The following ORC4 variants were observed in gnomAD, a reference collection of about 807,000 sequenced individuals.
ORC4 encodes origin recognition complex subunit 4, also known as origin recognition complex, subunit 4 homolog.
ORC4 carries 55 observed loss-of-function variants against 63.9 expected under a neutral mutation model. The ratio of observed to expected loss-of-function variants is 0.86; its 90% CI spans 0.69 to 1.08. The LOEUF (loss-of-function observed/expected upper bound fraction) is 1.08, where lower values mean the gene tolerates loss of function less well. ORC4 is among the 50% of genes least tolerant of loss of function. ORC4 has a pLI of 0.00. For synonymous variants in ORC4, 150 were observed against 168.5 expected (o/e 0.89, Z 0.85); for missense variants, 511 against 504.4 (o/e 1.01, Z -0.13).
chr2:147,990,909 C>G (rs1182288915), intron 1 of ORC4, among the ~76,000 whole-genome samples: 1 of 152,144 alleles, frequency 6.6e-6, no homozygotes, highest in African/African-American at 2.4e-5. Flanking sequence ...TCCAGAAAAG[C>G]CATGTTCTCT....
chr2:147,992,260 CTT>C (rs939313714), intron 1 of ORC4, among the ~76,000 whole-genome samples: 1 of 151,906 alleles, frequency 6.6e-6, no homozygotes, highest in Admixed American at 6.6e-5. Context: ...TCAACGAAAA[CTT>C]TTTTTTGTTT....
chr2:147,936,954 G>GT (rs1688082823), intron 13 of ORC4: 2 of 146,248 alleles, frequency 1.4e-5, no homozygotes, highest in Admixed American at 1.4e-4. Flanking sequence ...GGAGGCAGAG[G>GT]TTGCAGTGAG....
chr2:147,972,870 T>A, intron 3 of ORC4, 41 bp from the exon 4 acceptor site: 3 of 1,244,900 alleles, frequency 2.4e-6, no homozygotes, highest in Non-Finnish European at 2.4e-6. Context: ...AAAATGAAGC[T>A]GGAATACTTT....
chr2:147,967,095 A>G (rs1394127406), intron 4 of ORC4, among the ~76,000 whole-genome samples: 1 of 152,142 alleles, frequency 6.6e-6, no homozygotes, highest in East Asian at 1.9e-4. Context: ...AAACTATATC[A>G]TCTCAATGGA....
chr2:147,999,376 T>C (rs1692168073), intron 1 of ORC4, among the ~76,000 whole-genome samples: 1 of 152,190 alleles, frequency 6.6e-6, no homozygotes, highest in African/African-American at 2.4e-5. Flanking sequence ...GCTCTCTTCT[T>C]TCACATAGTT....
At chr2:147,979,756 C>T (rs57679331) in intron 1 of ORC4, among the ~76,000 whole-genome samples, 46,984 of 151,856 alleles carry the variant, frequency 0.31, 7,608 homozygotes, top group East Asian at 0.51. Context: ...AATACAGAGT[C>T]GAGAAATAAA....
chr2:148,016,257 C>A (rs905410251), intron 1 of ORC4, among the ~76,000 whole-genome samples: 6 of 152,078 alleles, frequency 3.9e-5, no homozygotes, highest in Middle Eastern at 3.2e-3. Context: ...GGCTGGACCG[C>A]GAAGAAGCTC....
chr2:147,953,515 A>G (rs1331896010), intron 7 of ORC4, among the ~76,000 whole-genome samples: 1 of 152,230 alleles, frequency 6.6e-6, no homozygotes, highest in Non-Finnish European at 1.5e-5. Flanking sequence ...TCACTAATTA[A>G]TGAACAAAAC....
At position 147,935,663 on chromosome 2, in the gene ORC4, CTTTA is replaced by C; in HGVS notation, c.1154_1157del (p.Ile385SerfsTer16). 6.2e-7 allele frequency: 1 copy of C among 1,613,148 alleles called. No individual in the cohort carries two copies. Among genetic ancestry groups the C allele is most frequent in the Middle Eastern group, 1.8e-4 (1 of 5,612 alleles). On this transcript the variant is annotated frameshift_variant, in exon 14 of 14. Transcript: ENST00000392857. LOFTEE classifies it high-confidence loss of function. Reference sequence around the variant, plus strand: ...AATTTCCTGAAGTTCTTTCCATGGGCTTTATTAATTCTAATTGCTGCAAGTGTTC... The same window carrying C: ...AATTTCCTGAAGTTCTTTCCATGGGCTTAATTCTAATTGCTGCAAGTGTTC...
At position 147,973,481 on chromosome 2, in the gene ORC4, T is replaced by C. The variant is rs746268100; in HGVS notation, c.101A>G (p.His34Arg). The change falls in exon 3 of 14, where the codon CAT becomes CGT. Residue 34 changes from histidine to arginine, a missense_variant. Physicochemically the swap from His to Arg is conservative, Grantham distance 29. Coordinates refer to ENST00000392857, the MANE Select transcript of ORC4 (RefSeq NM_181741.4). Reference protein sequence around the residue: ...LRERFCRQSPHSNLFGVQVQY... With the variant: ...LRERFCRQSPRSNLFGVQVQY... ...TACTTGCACTCCAAATAGGTTACTA[T>C]GTGGACTCTGACGACAAAATCTTTC... The C allele has an allele frequency of 4.4e-6, 7 of 1,606,882 alleles. No individual in the cohort carries two copies. In the African/African-American group the frequency reaches 9.4e-5, roughly 21 times the overall value.
chr2:148,020,716 C>G lies in ORC4; in HGVS notation c.-101G>C, dbSNP rs979181961. 1 of 152,468 alleles carries G rather than the reference C, an allele frequency of 6.6e-6. No individual in the cohort carries two copies. The highest frequency in any genetic ancestry group is 6.5e-5 in the Admixed American group (1 of 15,276). The allele number at this position is 152,468 out of a possible 1,614,324, so 9.4% of individuals were successfully genotyped here. The stretch of plus-strand genomic sequence containing the variant: ...GTCCTCTGCTAGACTTCACCTGCCG[C>G]TGCGGACCGTACACAACCACTCCCG... On this transcript the variant is annotated 5_prime_UTR_variant, in exon 1 of 14. Coordinates refer to ENST00000392857, the MANE Select transcript of ORC4 (RefSeq NM_181741.4).
intron 4 of ORC4, among the ~76,000 whole-genome samples, chr2:147,971,137 TGTAA>T (rs1005184677): frequency 3.3e-5 from 5 of 152,008 alleles, no homozygotes; most frequent in Admixed American, 2.6e-4. Flanking sequence ...ACCCTATTCT[TGTAA>T]GTAAGTAAGT....
intron 1 of ORC4, among the ~76,000 whole-genome samples, chr2:148,002,515 G>A (rs907194881): frequency 6.6e-6 from 1 of 152,058 alleles, no homozygotes; most frequent in Non-Finnish European, 1.5e-5. Flanking sequence ...AATGAATACT[G>A]GGTAAATAAC....
At chr2:147,985,997 G>C (rs1179328589) in intron 1 of ORC4, among the ~76,000 whole-genome samples, 1 of 152,054 alleles carries the variant, frequency 6.6e-6, no homozygotes, top group African/African-American at 2.4e-5. Flanking sequence ...ACATAGCAGA[G>C]GAATACATTC....
chr2:148,001,386 GC>G (rs1692296124), intron 1 of ORC4, among the ~76,000 whole-genome samples: 1 of 152,086 alleles, frequency 6.6e-6, no homozygotes. Context: ...GAAATTTAAA[GC>G]CCATCAGACT....
intron 9 of ORC4, 149 bp from the exon 10 acceptor site, chr2:147,943,671 A>G: frequency 3.2e-6 from 2 of 625,396 alleles, no homozygotes; most frequent in Non-Finnish European, 5.6e-6. Context: ...TATTTGTAGA[A>G]CACTAAAACC....
intron 11 of ORC4, chr2:147,938,739 T>C (rs1379624556): frequency 3.0e-6 from 1 of 331,862 alleles, no homozygotes; most frequent in African/African-American, 2.1e-5. Flanking sequence ...TGCGTAGGAT[T>C]TATCTAGAGA....
At chr2:147,943,187 T>G (rs574579099) in intron 10 of ORC4, among the ~76,000 whole-genome samples, 3 of 152,218 alleles carry the variant, frequency 2.0e-5, no homozygotes, top group African/African-American at 7.2e-5. Flanking sequence ...TGCATGTCGA[T>G]TCTCCCAAAA....
intron 1 of ORC4, among the ~76,000 whole-genome samples, chr2:148,003,644 G>A (rs566959658): frequency 1.6e-4 from 25 of 152,024 alleles, no homozygotes; most frequent in East Asian, 7.7e-4. Context: ...ACAAACCCAC[G>A]GCCAATATCA....
Sources: gnomAD v4.1 joint callset for allele counts (sites outside exome capture counted in the v4.1 genomes callset) on GRCh38, gnomAD v4.1.1 for gene constraint, MANE v1.5 for transcripts, NCBI Gene and HGNC (gene_info 2026-07-23, HGNC 2026-07-21) for gene names.